Variants in IL15 observed in about 807,000 individuals in gnomAD.
IL15 encodes interleukin-15.
A neutral mutation model predicts 19.6 loss-of-function variants in IL15; 11 were observed. The observed-to-expected ratio is 0.56, with a 90% CI of 0.35 to 0.93. IL15 has a LOEUF of 0.93. IL15 is among the 40% of genes least tolerant of loss of function. IL15 has a pLI of 0.01. For missense variants in IL15, 197 were observed against 186.5 expected, an observed-to-expected ratio of 1.06 and a Z score of -0.33; for synonymous variants, 58 against 59.6, an observed-to-expected ratio of 0.97 and a Z score of 0.12.
At chr4:141,670,310 GTGCTGGCATCA>G (rs1728129176) in intron 2 of IL15, among the ~76,000 whole-genome samples, 1 of 152,102 alleles carries the variant, frequency 6.6e-6, no homozygotes. Flanking sequence ...GTAGCCAGCT[GTGCTGGCATCA>G]AGGAATTAGA....
chr4:141,697,658 C>T (rs1044910119), intron 2 of IL15, among the ~76,000 whole-genome samples: 4 of 151,996 alleles, frequency 2.6e-5, no homozygotes, highest in South Asian at 2.1e-4. Context: ...GACCTGTTTC[C>T]GTTTGTTTGT....
intron 2 of IL15, among the ~76,000 whole-genome samples, chr4:141,681,034 C>T (rs979776955): frequency 1.3e-5 from 2 of 152,144 alleles, no homozygotes; most frequent in Non-Finnish European, 2.9e-5. Context: ...GTATCCTTAC[C>T]TGCTGACGTC....
chr4:141,672,268 A>C (rs1244656428), intron 2 of IL15, among the ~76,000 whole-genome samples: 1 of 152,180 alleles, frequency 6.6e-6, no homozygotes, highest in African/African-American at 2.4e-5. Flanking sequence ...TTTAGCAACA[A>C]GAGGTAAATT....
chr4:141,707,938 C>T (rs1729579201), intron 2 of IL15, among the ~76,000 whole-genome samples: 1 of 152,152 alleles, frequency 6.6e-6, no homozygotes, highest in South Asian at 2.1e-4. Context: ...ACTAGATGAG[C>T]ACAGCAATGC....
chr4:141,729,034 C>A (rs1296257474), intron 6 of IL15, among the ~76,000 whole-genome samples: 1 of 152,114 alleles, frequency 6.6e-6, no homozygotes, highest in Non-Finnish European at 1.5e-5. Context: ...TTCTGAAGCT[C>A]ATTTTTATTA....
intron 2 of IL15, among the ~76,000 whole-genome samples, chr4:141,675,377 A>G (rs1728308530): frequency 6.6e-6 from 1 of 152,172 alleles, no homozygotes; most frequent in Non-Finnish European, 1.5e-5. Context: ...TAATTGTGGT[A>G]CATACTAAAC....
chr4:141,724,958 T>C (rs559246904), intron 5 of IL15, among the ~76,000 whole-genome samples: 5 of 152,252 alleles, frequency 3.3e-5, no homozygotes, highest in African/African-American at 1.2e-4. Context: ...AGGCCAGTAT[T>C]ACTGTGATGC....
intron 1 of IL15, among the ~76,000 whole-genome samples, chr4:141,645,153 A>C (rs951104507): frequency 6.6e-6 from 1 of 152,144 alleles, no homozygotes; most frequent in African/African-American, 2.4e-5. Flanking sequence ...GCTTCCTATG[A>C]ATTTTATTGA....
chr4:141,673,474 T>A (rs187226742), intron 2 of IL15, among the ~76,000 whole-genome samples: 22 of 152,340 alleles, frequency 1.4e-4, no homozygotes, highest in Non-Finnish European at 2.9e-4. Flanking sequence ...GCCTTTGGTA[T>A]CTTACTCATC....
intron 2 of IL15, among the ~76,000 whole-genome samples, chr4:141,660,289 G>T (rs1413658062): frequency 6.6e-6 from 1 of 152,088 alleles, no homozygotes; most frequent in Non-Finnish European, 1.5e-5. Flanking sequence ...AGCAGAATTT[G>T]GGTATAAACT....
chr4:141,690,876 T>C (rs1428300269), intron 2 of IL15, among the ~76,000 whole-genome samples: 1 of 152,226 alleles, frequency 6.6e-6, no homozygotes, highest in East Asian at 1.9e-4. Context: ...TCATGTTTCA[T>C]GCCTCTGTGC....
intron 1 of IL15, among the ~76,000 whole-genome samples, chr4:141,642,365 C>T (rs553911991): frequency 6.6e-6 from 1 of 152,124 alleles, no homozygotes; most frequent in Non-Finnish European, 1.5e-5. Context: ...CCTTTAGAAC[C>T]GTCTATGTCC....
At chr4:141,662,128 G>A (rs1727811761) in intron 2 of IL15, among the ~76,000 whole-genome samples, 1 of 152,172 alleles carries the variant, frequency 6.6e-6, no homozygotes, top group African/African-American at 2.4e-5. Context: ...CCAACATATG[G>A]TTAATTTTGG....
At chr4:141,643,641 C>A (rs1727125991) in intron 1 of IL15, among the ~76,000 whole-genome samples, 1 of 152,132 alleles carries the variant, frequency 6.6e-6, no homozygotes, top group Non-Finnish European at 1.5e-5. Flanking sequence ...TTACCAGCAA[C>A]AATTTCAGTC....
intron 2 of IL15, among the ~76,000 whole-genome samples, chr4:141,682,793 A>G (rs1427864798): frequency 6.6e-6 from 1 of 152,090 alleles, no homozygotes; most frequent in East Asian, 1.9e-4. Context: ...GGTCTCTACT[A>G]AAAATACAAA....
chr4:141,681,757 T>C (rs1353955879), intron 2 of IL15, among the ~76,000 whole-genome samples: 1 of 152,208 alleles, frequency 6.6e-6, no homozygotes, highest in East Asian at 1.9e-4. Context: ...ATTATAAGAC[T>C]TTCTTTTCAG....
intron 1 of IL15, among the ~76,000 whole-genome samples, chr4:141,647,203 C>T (rs182989249): frequency 1.2e-4 from 18 of 152,060 alleles, no homozygotes; most frequent in Non-Finnish European, 2.2e-4. Context: ...GAGCAGAGCA[C>T]AGCGAAGAGT....
At chr4:141,685,415 A>G (rs1728676827) in intron 2 of IL15, among the ~76,000 whole-genome samples, 1 of 152,242 alleles carries the variant, frequency 6.6e-6, no homozygotes, top group Non-Finnish European at 1.5e-5. Flanking sequence ...ACAAACCCTA[A>G]GCTGTGTTTA....
chr4:141,651,425 CA>C (rs1418678933), intron 1 of IL15, among the ~76,000 whole-genome samples: 11 of 151,876 alleles, frequency 7.2e-5, no homozygotes, highest in Non-Finnish European at 1.5e-5. Flanking sequence ...TTGGAGAATC[CA>C]AAAGGTTTGG....
Sources: gnomAD v4.1 joint callset for allele counts (sites outside exome capture counted in the v4.1 genomes callset) on GRCh38, gnomAD v4.1.1 for gene constraint, MANE v1.5 for transcripts, NCBI Gene and HGNC (gene_info 2026-07-23, HGNC 2026-07-21) for gene names.